The following AP2B1 variants were observed in gnomAD, a reference collection of about 807,000 sequenced individuals.
The protein encoded by AP2B1 is AP-2 complex subunit beta.
AP2B1 carries 23 observed loss-of-function variants against 102.0 expected under a neutral mutation model. That is an observed-to-expected ratio of 0.23 (90% CI 0.16 to 0.32). The LOEUF (loss-of-function observed/expected upper bound fraction) is 0.32. Ranked by LOEUF, AP2B1 falls within the 10% of genes least tolerant of loss-of-function variation. The pLI is 1.00. For missense variants in AP2B1, 541 were observed against 1,157.4 expected, an observed-to-expected ratio of 0.47 and a Z score of 7.73; for synonymous variants, 381 against 421.2, an observed-to-expected ratio of 0.90 and a Z score of 1.17.
chr17:35,696,287 G>GT (rs2076140567), intron 18 of AP2B1, among the ~76,000 whole-genome samples: 1 of 151,636 alleles, frequency 6.6e-6, no homozygotes, highest in Non-Finnish European at 1.5e-5. Flanking sequence ...CTTACTTTAG[G>GT]TTTTTACTAA....
At chr17:35,655,749 C>G (rs1439827752) in intron 13 of AP2B1, among the ~76,000 whole-genome samples, 1 of 152,190 alleles carries the variant, frequency 6.6e-6, no homozygotes, top group Admixed American at 6.5e-5. Context: ...AGTGTATACT[C>G]TTTCTAGCAC....
chr17:35,645,393 G>A (rs1026450275), intron 12 of AP2B1, among the ~76,000 whole-genome samples: 1 of 152,102 alleles, frequency 6.6e-6, no homozygotes, highest in African/African-American at 2.4e-5. Flanking sequence ...AAGTATATGT[G>A]AAATCTTAGT....
chr17:35,624,249 G>A, intron 5 of AP2B1, 148 bp from the exon 6 acceptor site: 1 of 735,892 alleles, frequency 1.4e-6, no homozygotes, highest in Non-Finnish European at 2.2e-6. Flanking sequence ...GTTTTGAAGT[G>A]ATTTATTTGT....
intron 14 of AP2B1, among the ~76,000 whole-genome samples, chr17:35,666,988 A>G (rs948517238): frequency 2.6e-5 from 4 of 152,210 alleles, no homozygotes; most frequent in East Asian, 1.9e-4. Flanking sequence ...ATAGTGTCCA[A>G]CTGAACTGAA....
chr17:35,712,601 C>T (rs1555588099), intron 20 of AP2B1, among the ~76,000 whole-genome samples: 1 of 151,880 alleles, frequency 6.6e-6, no homozygotes, highest in African/African-American at 2.4e-5. Context: ...TGCACTCCAG[C>T]CTGGGTGACA....
At chr17:35,600,945 C>T in intron 3 of AP2B1, 1 of 962,686 alleles carries the variant, frequency 1.0e-6, no homozygotes, top group Non-Finnish European at 1.2e-6. Flanking sequence ...AGGTGCTGCT[C>T]TTCTGAGGTG....
intron 18 of AP2B1, among the ~76,000 whole-genome samples, chr17:35,694,889 AAAAAC>A (rs1339421348): frequency 2.6e-5 from 4 of 152,020 alleles, no homozygotes; most frequent in African/African-American, 9.7e-5. Flanking sequence ...TCTCAAAAAC[AAAAAC>A]AAAACAAAAC....
intron 14 of AP2B1, among the ~76,000 whole-genome samples, chr17:35,666,788 A>G (rs2075475239): frequency 1.3e-5 from 2 of 152,108 alleles, no homozygotes; most frequent in Non-Finnish European, 2.9e-5. Context: ...TTGATTTTGT[A>G]CCCTACCTGA....
At chr17:35,657,462 G>A in intron 13 of AP2B1, 137 bp from the exon 14 acceptor site, 2 of 577,582 alleles carry the variant, frequency 3.5e-6, no homozygotes, top group Non-Finnish European at 5.8e-6. Flanking sequence ...ATAAACAAAT[G>A]GTTATAAAAT....
chr17:35,624,319 C>G (rs1057075980), intron 5 of AP2B1, 78 bp from the exon 6 acceptor site: 69 of 1,324,050 alleles, frequency 5.2e-5, no homozygotes, highest in Non-Finnish European at 7.0e-5. Flanking sequence ...GTGAAATGAC[C>G]CAGAGAAGGC....
At chr17:35,695,166 A>G (rs2076117291) in intron 18 of AP2B1, among the ~76,000 whole-genome samples, 1 of 152,190 alleles carries the variant, frequency 6.6e-6, no homozygotes, top group Non-Finnish European at 1.5e-5. Context: ...TATATAGAGT[A>G]ATTCTATTGT....
At chr17:35,720,565 ATATATATATTTTT>A (rs1443067304) in intron 21 of AP2B1, among the ~76,000 whole-genome samples, 160 of 52,290 alleles carry the variant, frequency 3.1e-3, no homozygotes, top group African/African-American at 0.011. Flanking sequence ...ATATATATAT[ATATATATATTTTT>A]TTTTTTTTTT....
At chr17:35,691,424 C>T (rs2076038994) in intron 18 of AP2B1, among the ~76,000 whole-genome samples, 1 of 152,222 alleles carries the variant, frequency 6.6e-6, no homozygotes, top group African/African-American at 2.4e-5. Context: ...CTGGTAGACG[C>T]TTCCAAGCGG....
At chr17:35,638,787 TTG>T (rs2074683653) in intron 10 of AP2B1, among the ~76,000 whole-genome samples, 1 of 51,742 alleles carries the variant, frequency 1.9e-5, no homozygotes. Context: ...ACACTCCGTC[TTG>T]AAAAAAAAAA....
rs530737745 is a variant in AP2B1, at chr17:35,606,168, A to G, written c.279+328A>G. On this transcript the variant is annotated intron_variant, in intron 4 of 21. Transcript: ENST00000610402. ...TTTTATCTTTGTAGAAATTATACTT[A>G]TGAGTCAGCAGTAGTGGAGACTGCC... Among the ~76,000 whole-genome samples, 30 of 152,212 alleles carry G rather than the reference A, an allele frequency of 2.0e-4. No homozygotes were observed. The East Asian group carries it at 4.0e-3, about 21-fold the overall frequency.
At chr17:35,692,183 G>A (rs1349735331) in intron 18 of AP2B1, among the ~76,000 whole-genome samples, 2 of 152,156 alleles carry the variant, frequency 1.3e-5, no homozygotes, top group East Asian at 3.8e-4. Flanking sequence ...TGTCCTCAAA[G>A]TCAGGAGACA....
intron 13 of AP2B1, among the ~76,000 whole-genome samples, chr17:35,654,762 G>A (rs1405910708): frequency 1.3e-5 from 2 of 151,704 alleles, no homozygotes; most frequent in African/African-American, 2.4e-5. Flanking sequence ...TTAAATGTTT[G>A]GAGGAATTCA....
At chr17:35,623,209 TG>T (rs2074230758) in intron 5 of AP2B1, among the ~76,000 whole-genome samples, 1 of 152,126 alleles carries the variant, frequency 6.6e-6, no homozygotes, top group Non-Finnish European at 1.5e-5. Context: ...CTTTTCTTCC[TG>T]CAGCTAAATG....
intron 13 of AP2B1, among the ~76,000 whole-genome samples, chr17:35,656,847 T>A (rs1254302173): frequency 2.0e-5 from 3 of 147,000 alleles, no homozygotes; most frequent in South Asian, 4.4e-4. Context: ...ATGGCGCCAC[T>A]GCACTCCAGC....
Sources: gnomAD v4.1 joint callset for allele counts (sites outside exome capture counted in the v4.1 genomes callset) on GRCh38, gnomAD v4.1.1 for gene constraint, MANE v1.5 for transcripts, NCBI Gene and HGNC (gene_info 2026-07-23, HGNC 2026-07-21) for gene names.